The following STRBP variants were observed in gnomAD, a reference collection of about 807,000 sequenced individuals.
STRBP encodes spermatid perinuclear RNA-binding protein.
A neutral mutation model predicts 80.1 loss-of-function variants in STRBP; 13 were observed. The ratio of observed to expected loss-of-function variants is 0.16; its 90% CI spans 0.11 to 0.26. STRBP has a LOEUF of 0.26. STRBP is among the 10% of genes least tolerant of loss of function. The pLI is 1.00. For missense variants in STRBP, 485 were observed against 815.2 expected (o/e 0.59, Z 4.93); for synonymous variants, 284 against 291.2 (o/e 0.98, Z 0.25).
At chr9:123,219,990 C>T (rs913379655) in intron 2 of STRBP, among the ~76,000 whole-genome samples, 3 of 152,048 alleles carry the variant, frequency 2.0e-5, no homozygotes, top group African/African-American at 7.2e-5. Flanking sequence ...AACAAATGAA[C>T]TTTCTGATAA....
chr9:123,214,145 T>TATACACAC (rs747659967), intron 2 of STRBP, among the ~76,000 whole-genome samples: 14 of 141,446 alleles, frequency 9.9e-5, no homozygotes, highest in South Asian at 6.9e-4. Context: ...TATATATGTA[T>TATACACAC]ACACACACAC....
chr9:123,236,554 T>C (rs1358904505), intron 2 of STRBP, among the ~76,000 whole-genome samples: 1 of 151,930 alleles, frequency 6.6e-6, no homozygotes, highest in East Asian at 1.9e-4. Flanking sequence ...CAAATGATAG[T>C]AATTTGCCAG....
chr9:123,221,755 G>C (rs1394638792), intron 2 of STRBP, among the ~76,000 whole-genome samples: 1 of 152,190 alleles, frequency 6.6e-6, no homozygotes, highest in African/African-American at 2.4e-5. Flanking sequence ...AAACAAAGGT[G>C]ATGGTGCATA....
At chr9:123,265,399 T>A (rs1048280971) in intron 1 of STRBP, among the ~76,000 whole-genome samples, 6 of 152,196 alleles carry the variant, frequency 3.9e-5, no homozygotes, top group Non-Finnish European at 8.8e-5. Flanking sequence ...GCGAACCTTT[T>A]ATTTGAAATC....
rs769753333 is a variant in STRBP at position 123,136,086 on chromosome 9, A to G, written c.1728T>C (p.Ser576=). 1 of 1,614,214 alleles carries G rather than the reference A, an allele frequency of 6.2e-7. No homozygotes were observed. The highest frequency in any genetic ancestry group is 8.5e-7 in the Non-Finnish European group (1 of 1,180,024). ...TCTTATTATTTGCCGCATTGGGTCCAGAAAACAGTTTCTCCAAGGCAGCTA... is the reference window on the plus strand; with the variant it reads ...TCTTATTATTTGCCGCATTGGGTCCGGAAAACAGTTTCTCCAAGGCAGCTA... ...AALAALEKLF[S]GPNAANNKKK... is the part of the protein sequence containing the mutation. The change falls in exon 16 of 19, where the codon TCT becomes TCC. Residue 576 remains serine, a synonymous_variant. Transcript: ENST00000348403. This position sits in a 1 kb window ranked among gnomAD's most constrained non-coding sequence, Gnocchi z 4.2.
chr9:123,240,503 C>T (rs1373070156), intron 1 of STRBP, among the ~76,000 whole-genome samples: 1 of 152,186 alleles, frequency 6.6e-6, no homozygotes, highest in African/African-American at 2.4e-5. Flanking sequence ...TATTATTTGT[C>T]TCCTCTTATC....
intron 1 of STRBP, among the ~76,000 whole-genome samples, chr9:123,263,769 A>G (rs955504147): frequency 1.3e-5 from 2 of 152,244 alleles, no homozygotes; most frequent in African/African-American, 4.8e-5. Flanking sequence ...AGAACAAGGA[A>G]GCTTGACGTC....
intron 2 of STRBP, among the ~76,000 whole-genome samples, chr9:123,187,758 CCACCACA>C (rs201543991): frequency 0.038 from 4,238 of 110,258 alleles, 218 homozygotes; most frequent in African/African-American, 0.12. Context: ...TCCCCACCAC[CCACCACA>C]CACCACCCAC....
chr9:123,149,905 T>C (rs960216240), intron 11 of STRBP, among the ~76,000 whole-genome samples: 1 of 152,140 alleles, frequency 6.6e-6, no homozygotes, highest in Non-Finnish European at 1.5e-5. Context: ...ACATAGCAAG[T>C]AACAAAATAA....
intron 6 of STRBP, among the ~76,000 whole-genome samples, chr9:123,167,337 C>T (rs1246389330): frequency 6.6e-6 from 1 of 151,582 alleles, no homozygotes; most frequent in African/African-American, 2.4e-5. Flanking sequence ...AAAAGGGTAA[C>T]TTTCAGCCCC....
Position 123,126,768 on chromosome 9 carries a change from A to C in STRBP, c.1943-1095T>G, listed in dbSNP as rs1478133546. On this transcript the variant is annotated intron_variant, in intron 18 of 18. Coordinates refer to ENST00000348403, the MANE Select transcript of STRBP (RefSeq NM_018387.5). The surrounding 1 kb of genome is among the most constrained non-coding windows in gnomAD (Gnocchi z 4.4). ...CGGCAGATGTTTTGGCACTTATACA[A>C]GACATAGTACAGTGAGTCTAGTGAG... Among the ~76,000 whole-genome samples, 1 of 152,232 alleles carries C rather than the reference A, an allele frequency of 6.6e-6. No homozygotes were observed. Among genetic ancestry groups the C allele is most frequent in the African/African-American group, 2.4e-5 (1 of 41,454 alleles).
intron 4 of STRBP, among the ~76,000 whole-genome samples, chr9:123,177,570 T>C (rs776488304): frequency 1.3e-5 from 2 of 151,740 alleles, no homozygotes; most frequent in Non-Finnish European, 2.9e-5. Flanking sequence ...ACCCTATCTC[T>C]AAAAAAATAA....
intron 11 of STRBP, among the ~76,000 whole-genome samples, chr9:123,150,798 A>T (rs2037023524): frequency 6.6e-6 from 1 of 152,074 alleles, no homozygotes; most frequent in Non-Finnish European, 1.5e-5. Flanking sequence ...CCCCCCACAC[A>T]CTGGGTTGGG....
In STRBP at chr9:123,235,320, T is replaced by G. The variant is rs906930918; in HGVS notation, c.-165+1510A>C. On this transcript the variant is annotated intron_variant, in intron 2 of 18. Transcript: ENST00000348403. ...TTTTTTTTTTCATTTTGCAAATAAA[T>G]CAATATGTGTATGTTAAAATAATGG... Among the ~76,000 whole-genome samples, 55 of 149,746 alleles carry G rather than the reference T, an allele frequency of 3.7e-4. 1 individual carries two copies. Among genetic ancestry groups the G allele is most frequent in the Admixed American group, 3.6e-3 (55 of 15,080 alleles).
At chr9:123,200,904 A>C (rs145502454) in intron 2 of STRBP, among the ~76,000 whole-genome samples, 1 of 151,296 alleles carries the variant, frequency 6.6e-6, no homozygotes, top group East Asian at 1.9e-4. Context: ...TTACTGATTT[A>C]ATCTCACTGC....
chr9:123,122,579 T>TA lies in STRBP; in HGVS notation c.*3017_*3018insT. On this transcript the variant is annotated 3_prime_UTR_variant, in exon 19 of 19. Transcript: ENST00000348403. ...CTCCTTACTTCACCACCCATGCACT[T>TA]CATCTAGTCAGCATGAGGTATGTTG... 1 of 1,111,498 alleles carries TA rather than the reference T, an allele frequency of 9.0e-7. No homozygotes were observed. 68.9% of individuals were successfully genotyped at this position (1,111,498 alleles called of 1,614,324 possible). A position where few individuals can be genotyped will look rare whatever the true frequency, so the allele number is the denominator to read the frequency against.
intron 11 of STRBP, among the ~76,000 whole-genome samples, chr9:123,150,589 A>AAATT (rs113795491): frequency 2.0e-5 from 3 of 152,182 alleles, no homozygotes; most frequent in African/African-American, 7.2e-5. Flanking sequence ...TTAAATAAAT[A>AAATT]AATTAATTAA....
intron 1 of STRBP, among the ~76,000 whole-genome samples, chr9:123,241,703 CT>C (rs2040699657): frequency 2.0e-5 from 3 of 152,136 alleles, no homozygotes; most frequent in Admixed American, 2.0e-4. Flanking sequence ...TTGACTCTAT[CT>C]TGAAAATATA....
intron 5 of STRBP, among the ~76,000 whole-genome samples, chr9:123,172,833 A>G (rs2038065908): frequency 6.6e-6 from 1 of 152,250 alleles, no homozygotes; most frequent in African/African-American, 2.4e-5. Flanking sequence ...CAAATAAAAG[A>G]AACTAAATTT....
Sources: gnomAD v4.1 joint callset for allele counts (sites outside exome capture counted in the v4.1 genomes callset) on GRCh38, gnomAD v4.1.1 for gene constraint, Gnocchi (gnomAD v3.1) non-coding constraint, MANE v1.5 for transcripts, NCBI Gene and HGNC (gene_info 2026-07-23, HGNC 2026-07-21) for gene names.